Variants in CENPQ observed in about 807,000 individuals in gnomAD.
CENPQ encodes the protein centromere protein Q.
In CENPQ, 27 loss-of-function variants were observed where a neutral mutation model predicts 36.6. That is an observed-to-expected ratio of 0.74 (90% confidence interval 0.54 to 1.02). The LOEUF is 1.02. CENPQ is among the 50% of genes least tolerant of loss of function. The pLI is 0.00. For synonymous variants in CENPQ, 101 were observed against 101.7 expected (o/e 0.99, Z 0.04); for missense variants, 306 against 301.8 (o/e 1.01, Z -0.10).
intron 2 of CENPQ, 42 bp from the exon 3 acceptor site, chr6:49,470,932 G>T: frequency 8.5e-7 from 1 of 1,178,086 alleles, no homozygotes; most frequent in East Asian, 2.6e-5. Flanking sequence ...TTTATCTGAT[G>T]TTTAATTCTG....
chr6:49,483,250 A>G (rs1768489042), intron 6 of CENPQ, among the ~76,000 whole-genome samples: 16 of 152,166 alleles, frequency 1.1e-4, no homozygotes, highest in Admixed American at 1.0e-3. Context: ...TGGTGTGTTT[A>G]CAAACCTTGA....
intron 5 of CENPQ, among the ~76,000 whole-genome samples, chr6:49,473,907 CAA>C (rs1052162093): frequency 9.9e-5 from 15 of 152,176 alleles, no homozygotes; most frequent in African/African-American, 2.9e-4. Context: ...CAACAAAGAT[CAA>C]AAGAGACAAA....
chr6:49,466,237 A>G (rs934940953), intron 1 of CENPQ, among the ~76,000 whole-genome samples: 4 of 152,206 alleles, frequency 2.6e-5, no homozygotes, highest in African/African-American at 9.7e-5. Flanking sequence ...TAAAACAATT[A>G]CAGAGTAACA....
intron 8 of CENPQ, among the ~76,000 whole-genome samples, chr6:49,490,475 AG>A (rs1463525511): frequency 6.6e-6 from 1 of 152,244 alleles, no homozygotes; most frequent in Admixed American, 6.5e-5. Flanking sequence ...CAGACCACTC[AG>A]ACTTCCCATA....
intron 2 of CENPQ, among the ~76,000 whole-genome samples, chr6:49,470,599 G>A (rs1288439540): frequency 1.5e-5 from 2 of 134,860 alleles, no homozygotes; most frequent in Admixed American, 1.7e-4. Flanking sequence ...TCCAGCCTGG[G>A]CAAAAAGAGT....
intron 3 of CENPQ, among the ~76,000 whole-genome samples, chr6:49,471,737 C>T (rs1248454299): frequency 6.6e-6 from 1 of 152,048 alleles, no homozygotes; most frequent in Admixed American, 6.6e-5. Context: ...AAAATAGTTT[C>T]CTGGTCCTCT....
At chr6:49,480,089 A>T (rs1292207924) in intron 5 of CENPQ, among the ~76,000 whole-genome samples, 1 of 152,184 alleles carries the variant, frequency 6.6e-6, no homozygotes, top group African/African-American at 2.4e-5. Context: ...TGTATTCCTG[A>T]ATCTAAAATA....
chr6:49,475,415 G>C (rs1488476405), intron 5 of CENPQ, among the ~76,000 whole-genome samples: 1 of 152,138 alleles, frequency 6.6e-6, no homozygotes, highest in South Asian at 2.1e-4. Context: ...GTATTGAGGG[G>C]ATGTATCTGA....
intron 5 of CENPQ, among the ~76,000 whole-genome samples, chr6:49,478,162 A>G (rs886697395): frequency 1.3e-5 from 2 of 152,328 alleles, no homozygotes; most frequent in African/African-American, 4.8e-5. Flanking sequence ...AACAAAGTAC[A>G]ACATTAGCAA....
At chr6:49,487,488 A>C (rs982211436) in intron 6 of CENPQ, among the ~76,000 whole-genome samples, 3 of 139,914 alleles carry the variant, frequency 2.1e-5, no homozygotes, top group African/African-American at 7.8e-5. Flanking sequence ...AAGCCAAAAT[A>C]TATTTCTTGA....
At chr6:49,481,416 C>T (rs774312142) in intron 6 of CENPQ, among the ~76,000 whole-genome samples, 9 of 151,992 alleles carry the variant, frequency 5.9e-5, no homozygotes, top group Non-Finnish European at 8.8e-5. Flanking sequence ...TTTGTTCCTC[C>T]CGGTGGGTTT....
At chr6:49,466,858 A>G (rs773571771) in intron 1 of CENPQ, among the ~76,000 whole-genome samples, 51 of 152,188 alleles carry the variant, frequency 3.4e-4, no homozygotes, top group Admixed American at 8.5e-4. Flanking sequence ...TATACAGTTA[A>G]TTAAGTGGCA....
chr6:49,471,123 CAA>C (rs1321861318), intron 3 of CENPQ, 95 bp downstream of exon 3: 1 of 645,040 alleles, frequency 1.6e-6, no homozygotes, highest in Admixed American at 3.5e-5. Flanking sequence ...ATGAGTTCTG[CAA>C]AAGATAGTAA....
intron 5 of CENPQ, among the ~76,000 whole-genome samples, chr6:49,478,714 A>G (rs1283041123): frequency 2.0e-5 from 3 of 152,168 alleles, no homozygotes; most frequent in Non-Finnish European, 4.4e-5. Flanking sequence ...AAGAGCTACC[A>G]TGGATATGAT....
chr6:49,463,807 G>A (rs1432213785), intron 1 of CENPQ, among the ~76,000 whole-genome samples: 1 of 152,060 alleles, frequency 6.6e-6, no homozygotes, highest in Non-Finnish European at 1.5e-5. Context: ...CCCACATAGA[G>A]GTCTAAATTG....
At chr6:49,488,768 T>G in intron 8 of CENPQ, 84 bp downstream of exon 8, 2 of 1,049,410 alleles carry the variant, frequency 1.9e-6, no homozygotes, top group Admixed American at 1.7e-5. Context: ...AAAAAGCAAA[T>G]ACTGCAATAA....
intron 6 of CENPQ, among the ~76,000 whole-genome samples, chr6:49,485,769 C>G (rs1174018637): frequency 6.7e-6 from 1 of 149,956 alleles, no homozygotes; most frequent in Non-Finnish European, 1.5e-5. Context: ...AGAAAATTTT[C>G]AGAATCATAA....
intron 5 of CENPQ, among the ~76,000 whole-genome samples, chr6:49,475,822 C>A (rs2127425171): frequency 6.6e-6 from 1 of 152,202 alleles, no homozygotes; most frequent in East Asian, 1.9e-4. Context: ...CTCCCATTCA[C>A]AATTGCTTCA....
chr6:49,465,215 CTT>C (rs1343620882), intron 1 of CENPQ, among the ~76,000 whole-genome samples: 1 of 152,182 alleles, frequency 6.6e-6, no homozygotes, highest in African/African-American at 2.4e-5. Flanking sequence ...TGAAAGGAAT[CTT>C]TTTGTGAGCT....
Sources: gnomAD v4.1 joint callset for allele counts (sites outside exome capture counted in the v4.1 genomes callset) on GRCh38, gnomAD v4.1.1 for gene constraint, MANE v1.5 for transcripts, NCBI Gene and HGNC (gene_info 2026-07-23, HGNC 2026-07-21) for gene names.